Variants in AP1M2 observed in about 807,000 individuals in gnomAD.
The protein encoded by AP1M2 is adaptor related protein complex 1 subunit mu 2.
In AP1M2, 41 loss-of-function variants were observed where a neutral mutation model predicts 54.6. The ratio of observed to expected loss-of-function variants is 0.75; its 90% CI spans 0.59 to 0.97. The LOEUF is 0.97. AP1M2 is among the 50% of genes least tolerant of loss of function. The pLI is 0.00. For missense variants in AP1M2, 507 were observed against 561.2 expected (o/e 0.90, Z 0.98); for synonymous variants, 219 against 215.9 (o/e 1.01, Z -0.13).
chr19:10,573,440 G>A (rs969619131), intron 11 of AP1M2, among the ~76,000 whole-genome samples: 1 of 151,716 alleles, frequency 6.6e-6, no homozygotes, highest in Non-Finnish European at 1.5e-5. Context: ...GAAATGGGGA[G>A]GGGTGAAGGA....
intron 9 of AP1M2, among the ~76,000 whole-genome samples, chr19:10,576,196 A>C (rs141768235): frequency 0.016 from 2,260 of 143,938 alleles, 48 homozygotes; most frequent in African/African-American, 0.055. Context: ...GGTTCAAGTG[A>C]TTCTCCTGCC....
intron 1 of AP1M2, among the ~76,000 whole-genome samples, chr19:10,584,306 C>G (rs117854306): frequency 6.6e-6 from 1 of 152,152 alleles, no homozygotes; most frequent in Non-Finnish European, 1.5e-5. Context: ...GATGGCTGGA[C>G]GCAGTGGCTC....
At chr19:10,574,320 CTTG>C in intron 11 of AP1M2, 94 bp downstream of exon 11, 1 of 1,027,802 alleles carries the variant, frequency 9.7e-7, no homozygotes. Flanking sequence ...ACACCTGACC[CTTG>C]TTGGTTTTCT....
Position 10,581,361 on chromosome 19 carries a change from T to C in AP1M2, c.578A>G (p.Glu193Gly), listed in dbSNP as rs1404794049. 1.2e-6 allele frequency: 2 copies of C among 1,613,190 alleles called. No individual in the cohort carries two copies. Among genetic ancestry groups the C allele is most frequent in the Non-Finnish European group, 1.7e-6 (2 of 1,179,306 alleles). Residue 193 changes from glutamate to glycine, a missense_variant, in exon 6 of 12, where the codon GAA (glutamate) becomes GGA (glycine). Transcript: ENST00000250244. Reference sequence around the variant, plus strand: ...CTTGAGCTTGATGGTACCGACGATTTCGCTCAGAAGGACGCTGCCGTTGGC... The same window carrying C: ...CTTGAGCTTGATGGTACCGACGATTCCGCTCAGAAGGACGCTGCCGTTGGC... Reference protein sequence around the residue: ...VNANGSVLLSEIVGTIKLKVF... With the variant: ...VNANGSVLLSGIVGTIKLKVF...
At chr19:10,576,053 C>T (rs1050292335) in intron 9 of AP1M2, among the ~76,000 whole-genome samples, 27 of 149,340 alleles carry the variant, frequency 1.8e-4, no homozygotes, top group East Asian at 4.0e-4. Flanking sequence ...GAATTACAGG[C>T]GTGAGCCACT....
chr19:10,579,332 C>T (rs1055738565), intron 7 of AP1M2, among the ~76,000 whole-genome samples: 2 of 152,080 alleles, frequency 1.3e-5, no homozygotes, highest in East Asian at 1.9e-4. Flanking sequence ...AGGAGAATGG[C>T]GTGAACCTGG....
At position 10,573,661 on chromosome 19, in the gene AP1M2, T is replaced by G. The variant is rs1279554201; in HGVS notation, c.1250-573A>C. On this transcript the variant is annotated intron_variant, in intron 11 of 11. Coordinates refer to ENST00000250244, the MANE Select transcript of AP1M2 (RefSeq NM_005498.5). ...GACAACTGTCCCTGCTTTTTTTTCC[T>G]TTTTTTTTTTTTTTTTTTTTGAGCC... is the stretch of plus-strand genomic sequence containing the variant. 1.8e-4 allele frequency among the ~76,000 whole-genome samples: 9 copies of G among 48,974 alleles called. No individual in the cohort carries two copies. The South Asian group carries it at 3.9e-3, about 21-fold the overall frequency. The allele number at this position is 48,974 out of a possible 152,430, so 32.1% of individuals were successfully genotyped here.
intron 1 of AP1M2, among the ~76,000 whole-genome samples, chr19:10,585,279 GAAAA>G (rs58758793): frequency 0.33 from 9,018 of 27,334 alleles, 1,061 homozygotes; most frequent in Non-Finnish European, 0.36. Context: ...AAAGAAAGAA[GAAAA>G]AAAGAAAGAA....
Position 10,587,282 on chromosome 19 carries a change from GGC to G in AP1M2, c.-53_-52del. ...CGGGGAGGGAGCGCCGGGAGGCGAT[GGC>G]GGCGCCGCTTCCTTCTTCCTGCGGA... On this transcript the variant is annotated 5_prime_UTR_variant, in exon 1 of 12. Coordinates refer to ENST00000250244, the MANE Select transcript of AP1M2 (RefSeq NM_005498.5). 1 of 1,550,474 alleles carries G rather than the reference GGC, an allele frequency of 6.4e-7. No homozygotes were observed. The highest frequency in any genetic ancestry group is 8.7e-7 in the Non-Finnish European group (1 of 1,145,598).
intron 9 of AP1M2, 41 bp downstream of exon 9, chr19:10,577,157 C>A (rs1423581146): frequency 1.3e-6 from 2 of 1,569,540 alleles, no homozygotes; most frequent in Admixed American, 1.9e-5. Context: ...CTACTCCAGT[C>A]CCCTCCACCC....
intron 2 of AP1M2, 115 bp from the exon 3 acceptor site, chr19:10,583,788 C>A (rs1917542431): frequency 1.3e-6 from 2 of 1,492,488 alleles, no homozygotes; most frequent in Admixed American, 2.0e-5. Context: ...GCCCCTGCCC[C>A]CCAGCCTAAG....
chr19:10,575,769 CTTTTTTTTTT>C (rs71162097), intron 9 of AP1M2, among the ~76,000 whole-genome samples: 21 of 93,582 alleles, frequency 2.2e-4, no homozygotes, highest in African/African-American at 4.4e-4. Flanking sequence ...CTTTTTTTTT[CTTTTTTTTTT>C]TTTTTGAGAT....
At chr19:10,579,015 CTTTT>C (rs749676329) in intron 7 of AP1M2, 52 bp from the exon 8 acceptor site, 405 of 742,236 alleles carry the variant, frequency 5.5e-4, no homozygotes, top group East Asian at 1.2e-3. Flanking sequence ...TGACTCTCTT[CTTTT>C]TTTTTTTTTT....
chr19:10,573,147 G>A lies in AP1M2; in HGVS notation c.1250-59C>T, dbSNP rs1368518448. ...AAATGGGGAGAGGGGGGCCGGGCAC[G>A]GTGACTCACGCTTATAATCCCAGCA... On this transcript the variant is annotated intron_variant, in intron 11 of 11. Transcript: ENST00000250244. 13 of 1,471,098 alleles carry A rather than the reference G, an allele frequency of 8.8e-6. No individual in the cohort carries two copies. In the East Asian group the frequency reaches 2.5e-4, roughly 28 times the overall value. The allele number at this position is 1,471,098 out of a possible 1,614,324, so 91.1% of individuals were successfully genotyped here.
At chr19:10,584,211 T>G (rs1917560860) in intron 1 of AP1M2, 141 bp from the exon 2 acceptor site, 1 of 1,103,610 alleles carries the variant, frequency 9.1e-7, no homozygotes, top group Non-Finnish European at 1.3e-6. Flanking sequence ...TGTTTCCTGC[T>G]CTGTAAAATG....
chr19:10,586,283 G>GA (rs34958500), intron 1 of AP1M2, among the ~76,000 whole-genome samples: 46 of 125,888 alleles, frequency 3.7e-4, no homozygotes, highest in South Asian at 5.1e-4. Context: ...ACTCTGTCTT[G>GA]AAAAAAAAAA....
At chr19:10,583,873 C>T (rs949218389) in intron 2 of AP1M2, 41 bp downstream of exon 2, 1 of 1,565,274 alleles carries the variant, frequency 6.4e-7, no homozygotes, top group Non-Finnish European at 8.7e-7. Context: ...TCGCCGACAG[C>T]CCCCACACCC....
intron 2 of AP1M2, 21 bp from the exon 3 acceptor site, chr19:10,583,694 A>G (rs1917536837): frequency 6.2e-7 from 1 of 1,607,916 alleles, no homozygotes; most frequent in Non-Finnish European, 8.5e-7. Flanking sequence ...AAGGTTAAGG[A>G]AAAGGTGCCA....
chr19:10,583,538 A>G (rs1459644876), intron 3 of AP1M2, 68 bp downstream of exon 3: 4 of 1,266,566 alleles, frequency 3.2e-6, no homozygotes, highest in East Asian at 2.4e-5. Flanking sequence ...AGGATCTTGA[A>G]TCTTGAAAGA....
Sources: allele counts gnomAD v4.1 joint callset (sites outside exome capture counted in the v4.1 genomes callset), GRCh38; gene constraint gnomAD v4.1.1; transcripts MANE v1.5; gene names NCBI Gene and HGNC (gene_info 2026-07-23, HGNC 2026-07-21).